The following NRG3 variants were observed in gnomAD, a reference collection of about 807,000 sequenced individuals.
NRG3 encodes pro-neuregulin-3, membrane-bound isoform.
In NRG3, 31 loss-of-function variants were observed where a neutral mutation model predicts 66.9. The observed-to-expected ratio is 0.46, with a 90% CI of 0.35 to 0.63. The LOEUF (loss-of-function observed/expected upper bound fraction) is 0.63, where lower values mean the gene tolerates loss of function less well. Among genes scored for constraint, NRG3 ranks in the 20% least tolerant of loss-of-function variants. The pLI, the probability that NRG3 is intolerant of heterozygous loss-of-function variation, is 0.00. For missense variants in NRG3, 910 were observed against 878.9 expected, an observed-to-expected ratio of 1.04 and a Z score of -0.45; for synonymous variants, 393 against 359.4, an observed-to-expected ratio of 1.09 and a Z score of -1.06.
intron 2 of NRG3, among the ~76,000 whole-genome samples, chr10:82,532,547 GTATATGTATATAGTACTATATATGTA>G (rs1262966318): frequency 1.1e-4 from 16 of 145,094 alleles, no homozygotes; most frequent in South Asian, 4.4e-4. Flanking sequence ...TACTATATAT[GTATATGTATATAGTACTATATATGTA>G]TATATGTATA....
intron 4 of NRG3, among the ~76,000 whole-genome samples, chr10:82,942,987 A>G (rs1202479872): frequency 1.3e-5 from 2 of 152,170 alleles, no homozygotes; most frequent in Non-Finnish European, 2.9e-5. Context: ...AAAAAAAGAC[A>G]TAAAAATAAA....
chr10:81,955,618 T>C (rs978913074), intron 1 of NRG3, among the ~76,000 whole-genome samples: 4 of 152,190 alleles, frequency 2.6e-5, no homozygotes, highest in Non-Finnish European at 5.9e-5. Context: ...TATATTCAAG[T>C]ACCTACTTAG....
rs2044527250 is a variant in NRG3, at chr10:82,554,564, G to A, written c.954-184013G>A. 2.0e-5 allele frequency among the ~76,000 whole-genome samples: 3 copies of A among 152,204 alleles called. No individual in the cohort carries two copies. In the South Asian group the frequency reaches 6.2e-4, roughly 32 times the overall value. ...TAACCATGTCACTCTTGGAGCAGAT[G>A]GCCTTTCCTGAAGGCTGCGACATTT... On this transcript the variant is annotated intron_variant, in intron 2 of 8. Transcript: ENST00000372141.
chr10:81,956,338 G>A (rs2133234562), intron 1 of NRG3, among the ~76,000 whole-genome samples: 1 of 152,290 alleles, frequency 6.6e-6, no homozygotes, highest in East Asian at 1.9e-4. Flanking sequence ...GAGGGACAGT[G>A]AGTTCCAGGC....
intron 2 of NRG3, among the ~76,000 whole-genome samples, chr10:82,515,539 G>A (rs971187845): frequency 2.6e-5 from 4 of 152,146 alleles, no homozygotes; most frequent in Admixed American, 2.0e-4. Flanking sequence ...ACAAGGATGG[G>A]AATTAGGGAA....
chr10:82,567,628 C>T (rs2045489836), intron 2 of NRG3, among the ~76,000 whole-genome samples: 1 of 151,924 alleles, frequency 6.6e-6, no homozygotes, highest in Admixed American at 6.6e-5. Context: ...GAGACAAATA[C>T]ATATAAATCA....
At chr10:81,954,682 G>T (rs1045303794) in intron 1 of NRG3, among the ~76,000 whole-genome samples, 1 of 152,114 alleles carries the variant, frequency 6.6e-6, no homozygotes, top group Non-Finnish European at 1.5e-5. Context: ...CAAAAGGAGG[G>T]GTGGGTGTGA....
intron 1 of NRG3, among the ~76,000 whole-genome samples, chr10:81,916,970 C>G (rs752664824): frequency 1.3e-5 from 2 of 152,168 alleles, no homozygotes; most frequent in Non-Finnish European, 2.9e-5. Context: ...ACTAGGACCA[C>G]ATGGGTATTA....
rs1796422660 is a variant in NRG3 at position 82,735,348 on chromosome 10, T to C, written c.954-3229T>C. On this transcript the variant is annotated intron_variant, in intron 2 of 8. Coordinates refer to ENST00000372141, the MANE Select transcript of NRG3 (RefSeq NM_001010848.4). ...TATAATTTCTGTGATGCCAGGCTCC[T>C]AAGGGATAAAGAAATACAAAGAACA... Among the ~76,000 whole-genome samples, 3 of 152,166 alleles carry C rather than the reference T, an allele frequency of 2.0e-5. No individual in the cohort carries two copies. The South Asian group carries it at 6.2e-4, about 32-fold the overall frequency.
intron 2 of NRG3, among the ~76,000 whole-genome samples, chr10:82,529,350 G>A (rs1439055374): frequency 6.6e-6 from 1 of 152,196 alleles, no homozygotes; most frequent in Non-Finnish European, 1.5e-5. Context: ...CAGCAACTGG[G>A]AGAGGAGTTA....
chr10:82,868,205 T>C (rs766346806), intron 4 of NRG3, among the ~76,000 whole-genome samples: 2 of 152,236 alleles, frequency 1.3e-5, no homozygotes, highest in Non-Finnish European at 2.9e-5. Context: ...GTCTGAGGAC[T>C]GCCAGTGGCA....
intron 1 of NRG3, among the ~76,000 whole-genome samples, chr10:82,209,963 G>A (rs1649935): frequency 0.014 from 2,183 of 152,126 alleles, 37 homozygotes; most frequent in South Asian, 0.059. Context: ...ATTTTCAATA[G>A]CCAAGATAAT....
chr10:82,104,393 A>G (rs557205092), intron 1 of NRG3, among the ~76,000 whole-genome samples: 5 of 152,340 alleles, frequency 3.3e-5, no homozygotes, highest in African/African-American at 1.2e-4. Context: ...ATCTACACAT[A>G]TCAGAGGAAA....
At chr10:82,494,676 C>T (rs1191966102) in intron 2 of NRG3, among the ~76,000 whole-genome samples, 2 of 152,110 alleles carry the variant, frequency 1.3e-5, no homozygotes, top group East Asian at 3.9e-4. Context: ...CTCATTCTCC[C>T]TTCTAAAGCC....
intron 5 of NRG3, among the ~76,000 whole-genome samples, chr10:82,958,353 A>G (rs1279164314): frequency 6.6e-6 from 1 of 152,220 alleles, no homozygotes. Context: ...CTGTGAAATG[A>G]TACATATAAA....
chr10:82,379,277 G>A (rs2085456977), intron 2 of NRG3, among the ~76,000 whole-genome samples: 2 of 152,052 alleles, frequency 1.3e-5, no homozygotes, highest in Admixed American at 6.6e-5. Flanking sequence ...GTCTAGCCAT[G>A]GCCCCTTTTA....
chr10:82,178,895 G>A (rs2073224213), intron 1 of NRG3, among the ~76,000 whole-genome samples: 1 of 151,902 alleles, frequency 6.6e-6, no homozygotes, highest in African/African-American at 2.4e-5. Context: ...GTTATTTTAT[G>A]TTTTTCTTTA....
intron 2 of NRG3, among the ~76,000 whole-genome samples, chr10:82,396,469 A>G (rs148130896): frequency 3.4e-4 from 52 of 151,904 alleles, no homozygotes; most frequent in African/African-American, 1.1e-3. Context: ...CCCTTTTTCA[A>G]TTGTCCATTT....
At chr10:82,372,719 A>T (rs1447820841) in intron 2 of NRG3, among the ~76,000 whole-genome samples, 2 of 152,008 alleles carry the variant, frequency 1.3e-5, no homozygotes, top group Non-Finnish European at 2.9e-5. Flanking sequence ...TCAGCCTCCC[A>T]CCTAGCTGAG....
Sources: allele counts gnomAD v4.1 joint callset (sites outside exome capture counted in the v4.1 genomes callset), GRCh38; gene constraint gnomAD v4.1.1; transcripts MANE v1.5; gene names NCBI Gene and HGNC (gene_info 2026-07-23, HGNC 2026-07-21).